The following USP25 variants were observed in gnomAD, a reference collection of about 807,000 sequenced individuals.
The protein encoded by USP25 is ubiquitin specific peptidase 25.
In USP25, 85 loss-of-function variants were observed where a neutral mutation model predicts 158.5. The ratio of observed to expected loss-of-function variants is 0.54; its 90% CI spans 0.45 to 0.64. The LOEUF is 0.64. Among genes scored for constraint, USP25 ranks in the 30% least tolerant of loss-of-function variants. USP25 has a pLI of 0.00. For missense variants in USP25, 1,242 were observed against 1,327.3 expected (o/e 0.94, Z 1.00); for synonymous variants, 464 against 460.4 (o/e 1.01, Z -0.10).
intron 1 of USP25, among the ~76,000 whole-genome samples, chr21:15,753,453 A>G (rs916247313): frequency 6.6e-6 from 1 of 152,200 alleles, no homozygotes; most frequent in Admixed American, 6.5e-5. Context: ...CTGCTTACAC[A>G]TTCATGGGAC....
At chr21:15,752,627 C>G (rs117455874) in intron 1 of USP25, among the ~76,000 whole-genome samples, 156 of 152,312 alleles carry the variant, frequency 1.0e-3, no homozygotes, top group Non-Finnish European at 1.3e-3. Flanking sequence ...CATCATTTAT[C>G]TAGGACTAAC....
At chr21:15,761,910 A>G (rs941668944) in intron 1 of USP25, among the ~76,000 whole-genome samples, 5 of 152,134 alleles carry the variant, frequency 3.3e-5, no homozygotes, top group Non-Finnish European at 7.3e-5. Flanking sequence ...GCCTTGGTCA[A>G]ATTCCTTCTG....
chr21:15,783,336 A>T (rs1186496378), intron 4 of USP25, among the ~76,000 whole-genome samples: 1 of 152,186 alleles, frequency 6.6e-6, no homozygotes, highest in Non-Finnish European at 1.5e-5. Flanking sequence ...TAGACCACCC[A>T]TTTGGTTAAA....
chr21:15,780,478 T>A (rs1314213425), intron 4 of USP25, among the ~76,000 whole-genome samples: 3 of 152,222 alleles, frequency 2.0e-5, no homozygotes, highest in Non-Finnish European at 2.9e-5. Context: ...GTCTATGGCA[T>A]ATTTCTTGTG....
intron 22 of USP25, among the ~76,000 whole-genome samples, chr21:15,867,602 G>GT (rs1197903120): frequency 3.3e-5 from 5 of 151,878 alleles, no homozygotes; most frequent in African/African-American, 4.8e-5. Flanking sequence ...ATTATTTGTA[G>GT]TTTTTTTTAC....
intron 4 of USP25, 88 bp from the exon 5 acceptor site, chr21:15,791,414 T>G: frequency 7.7e-7 from 1 of 1,305,900 alleles, no homozygotes. Context: ...ATTGAAATCT[T>G]ATGTAATGAA....
intron 23 of USP25, 137 bp from the exon 24 acceptor site, chr21:15,874,266 T>A: frequency 1.3e-6 from 1 of 743,162 alleles, no homozygotes; most frequent in Non-Finnish European, 2.0e-6. Flanking sequence ...AAGCATACAC[T>A]GCGTCAGATG....
At chr21:15,736,936 G>A (rs1223422580) in intron 1 of USP25, among the ~76,000 whole-genome samples, 1 of 148,072 alleles carries the variant, frequency 6.8e-6, no homozygotes, top group East Asian at 2.0e-4. Flanking sequence ...TTCCAGATAA[G>A]TTAACTCTCT....
chr21:15,876,286 A>T (rs1248964746), intron 24 of USP25: 1 of 152,194 alleles, frequency 6.6e-6, no homozygotes, highest in Non-Finnish European at 1.5e-5. Context: ...ATCTCATTTT[A>T]TTCTCTTAAC....
chr21:15,746,228 T>C (rs1006063205), intron 1 of USP25, among the ~76,000 whole-genome samples: 3 of 152,194 alleles, frequency 2.0e-5, no homozygotes, highest in African/African-American at 7.2e-5. Flanking sequence ...CAAAGAGCCT[T>C]CTGGGGTTTC....
Position 15,878,509 on chromosome 21 carries a change from TC to T in USP25, c.*35del. On this transcript the variant is annotated 3_prime_UTR_variant, in exon 26 of 26. Coordinates refer to ENST00000400183, the MANE Select transcript of USP25 (RefSeq NM_001283041.3). ...CTTTCCCTGAACACACTGTATAAAC[TC>T]TTTTTAGTTCTTAACCCTTGCCTTC... is the stretch of plus-strand genomic sequence containing the variant. 6.3e-7 allele frequency: 1 copy of T among 1,583,410 alleles called. No homozygotes were observed. The highest frequency in any genetic ancestry group is 8.6e-7 in the Non-Finnish European group (1 of 1,162,260).
intron 7 of USP25, among the ~76,000 whole-genome samples, chr21:15,806,055 A>AT (rs1205536840): frequency 7.9e-5 from 12 of 151,018 alleles, no homozygotes; most frequent in Non-Finnish European, 1.5e-4. Context: ...GCAAATGTGA[A>AT]TGAACAAAAA....
At position 15,875,214 on chromosome 21, in the gene USP25, A is replaced by T. The variant is rs556252955; in HGVS notation, c.3009+688A>T. On this transcript the variant is annotated intron_variant, in intron 24 of 25. Transcript: ENST00000400183. This position sits in a 1 kb window ranked among gnomAD's most constrained non-coding sequence, Gnocchi z 4.7. ...GAATATACATAGAATGTATTAGAGT[A>T]ATTTGTTTAACTTAAAAAATTGAAT... is the stretch of plus-strand genomic sequence containing the variant. Among the ~76,000 whole-genome samples, 15 of 152,304 alleles carry T rather than the reference A, an allele frequency of 9.8e-5. 1 individual carries two copies. The highest frequency in any genetic ancestry group is 3.6e-4 in the African/African-American group (15 of 41,580).
At chr21:15,855,263 G>T (rs1229688386) in intron 20 of USP25, among the ~76,000 whole-genome samples, 1 of 151,912 alleles carries the variant, frequency 6.6e-6, no homozygotes, top group African/African-American at 2.4e-5. Flanking sequence ...TTGTTTCATT[G>T]CTTCATAATA....
intron 1 of USP25, among the ~76,000 whole-genome samples, chr21:15,754,114 CTT>C (rs1280456281): frequency 1.3e-5 from 2 of 152,120 alleles, no homozygotes; most frequent in Non-Finnish European, 2.9e-5. Flanking sequence ...CAAGGTTACT[CTT>C]GTGTCCGCAG....
intron 1 of USP25, among the ~76,000 whole-genome samples, chr21:15,742,979 G>A (rs142322856): frequency 1.8e-3 from 273 of 152,334 alleles, no homozygotes; most frequent in Middle Eastern, 3.4e-3. Context: ...ACTCGGAGAC[G>A]GCAGCAACCG....
intron 1 of USP25, among the ~76,000 whole-genome samples, chr21:15,730,976 GTTTTTTTTTTTT>G (rs748732727): frequency 6.0e-4 from 32 of 53,650 alleles, no homozygotes; most frequent in South Asian, 2.4e-3. Flanking sequence ...CTTCTTTTCT[GTTTTTTTTTTTT>G]TTTTTTTTTT....
At position 15,765,349 on chromosome 21, in the gene USP25, TC is replaced by T. The variant is rs2033977709; in HGVS notation, c.124-647del. On this transcript the variant is annotated intron_variant, in intron 2 of 25. Transcript: ENST00000400183. ...ATTCTTATTCTGGCATCTGCTTTCT[TC>T]TAAATAAACTTTAGAATAATTTTAT... 9.2e-5 allele frequency among the ~76,000 whole-genome samples: 14 copies of T among 152,274 alleles called. No homozygotes were observed. In the South Asian group the frequency reaches 2.9e-3, roughly 32 times the overall value.
intron 1 of USP25, among the ~76,000 whole-genome samples, chr21:15,740,885 C>A (rs2031988689): frequency 1.3e-5 from 2 of 151,812 alleles, no homozygotes; most frequent in Middle Eastern, 3.4e-3. Context: ...CACCCCCCAC[C>A]CCCACACTAC....
Sources: allele counts gnomAD v4.1 joint callset (sites outside exome capture counted in the v4.1 genomes callset), GRCh38; gene constraint gnomAD v4.1.1; non-coding constraint Gnocchi (gnomAD v3.1); transcripts MANE v1.5; gene names NCBI Gene and HGNC (gene_info 2026-07-23, HGNC 2026-07-21).